OR1L8: variants seen among roughly 807,000 people sequenced by gnomAD.
OR1L8 encodes the protein olfactory receptor 1L8.
For missense variants in OR1L8, 330 were observed against 377.4 expected, an observed-to-expected ratio of 0.87 and a Z score of 1.04; for synonymous variants, 148 against 147.0, an observed-to-expected ratio of 1.01 and a Z score of -0.05.
the OR1L8 span, among the ~76,000 whole-genome samples, chr9:122,555,144 TG>T: frequency 6.6e-6 from 1 of 152,196 alleles, no homozygotes; most frequent in African/African-American, 2.4e-5. Flanking sequence ...AAAAAAATGT[TG>T]CAGTGATAAC....
intron 4 of OR1L8, among the ~76,000 whole-genome samples, chr9:122,570,405 A>G (rs1263208472): frequency 3.3e-5 from 5 of 152,226 alleles, no homozygotes; most frequent in Non-Finnish European, 5.9e-5. Flanking sequence ...AATACACCAG[A>G]ATTTTCACAT....
the OR1L8 span, chr9:122,553,156 A>G: frequency 6.4e-7 from 1 of 1,572,264 alleles, no homozygotes; most frequent in African/African-American, 1.4e-5. Context: ...GATCTAATAA[A>G]TAAATACTGA....
chr9:122,552,749 A>AGTGTGTGTGTGT, the OR1L8 span, among the ~76,000 whole-genome samples: 802 of 129,726 alleles, frequency 6.2e-3, 15 homozygotes, highest in South Asian at 8.8e-3. Flanking sequence ...AGAGGGCTTG[A>AGTGTGTGTGTGT]GTGTGTGTGT....
intron 1 of OR1L8, among the ~76,000 whole-genome samples, chr9:122,581,256 C>T (rs1034335502): frequency 2.6e-5 from 4 of 152,048 alleles, no homozygotes; most frequent in African/African-American, 4.8e-5. Context: ...ATCCCAGCTA[C>T]TTGGGAGGCT....
intron 1 of OR1L8, among the ~76,000 whole-genome samples, chr9:122,578,932 C>A (rs1158646342): frequency 1.3e-5 from 2 of 151,476 alleles, no homozygotes; most frequent in African/African-American, 4.9e-5. Context: ...ACCTGTTCCC[C>A]AAAAACCTAA....
At chr9:122,581,211 C>T (rs1209910637) in intron 1 of OR1L8, among the ~76,000 whole-genome samples, 1 of 137,474 alleles carries the variant, frequency 7.3e-6, no homozygotes, top group African/African-American at 2.6e-5. Context: ...ACTAAAAATA[C>T]AAAAATTAGC....
At chr9:122,569,327 C>T (rs183689674) in intron 4 of OR1L8, among the ~76,000 whole-genome samples, 195 of 152,042 alleles carry the variant, frequency 1.3e-3, no homozygotes, top group African/African-American at 4.4e-3. Flanking sequence ...TTATCTTTTA[C>T]GTGTTAAAAA....
At chr9:122,551,108 CTAA>C in the OR1L8 span, among the ~76,000 whole-genome samples, 1 of 152,120 alleles carries the variant, frequency 6.6e-6, no homozygotes, top group African/African-American at 2.4e-5. Flanking sequence ...TTTCTACACA[CTAA>C]TAACAATCAA....
At chr9:122,569,475 A>G (rs963418979) in intron 4 of OR1L8, among the ~76,000 whole-genome samples, 36 of 152,228 alleles carry the variant, frequency 2.4e-4, no homozygotes, top group African/African-American at 8.0e-4. Flanking sequence ...GTATCAGCAA[A>G]ATGTTGTCAC....
intron 4 of OR1L8, among the ~76,000 whole-genome samples, chr9:122,571,279 C>T (rs544538994): frequency 3.9e-4 from 59 of 152,194 alleles, no homozygotes; most frequent in African/African-American, 7.2e-4. Flanking sequence ...ATGCCGGGCG[C>T]GGTGGCTCAC....
chr9:122,575,996 C>A lies in OR1L8; in HGVS notation c.-342+770G>T, dbSNP rs189247484. Among the ~76,000 whole-genome samples, 488 of 152,090 alleles carry A rather than the reference C, an allele frequency of 3.2e-3. 1 individual carries two copies. Among genetic ancestry groups the A allele is most frequent in the African/African-American group, 0.012 (478 of 41,500 alleles). On this transcript the variant is annotated intron_variant, in intron 3 of 4. Coordinates refer to ENST00000641027, the MANE Select transcript of OR1L8 (RefSeq NM_001004454.2). Reference sequence around the variant, plus strand: ...ATGAGAGTGTGCAATATTTTTATTTCTGTGTCTGGTTTATTTCAGTTACCA... The same window carrying A: ...ATGAGAGTGTGCAATATTTTTATTTATGTGTCTGGTTTATTTCAGTTACCA...
At position 122,567,804 on chromosome 9, in the gene OR1L8, G is replaced by A. The variant is rs1829459496; in HGVS notation, c.674C>T (p.Thr225Ile). 1.2e-6 allele frequency: 2 copies of A among 1,613,958 alleles called. No homozygotes were observed. Among genetic ancestry groups the A allele is most frequent in the African/African-American group, 2.7e-5 (2 of 74,928 alleles). Reference protein sequence around the residue: ...IAFSYIRILTTVLKIPSTSGK... With the variant: ...IAFSYIRILTIVLKIPSTSGK... ...AGAAGTAGAGGGAATCTTGAGAACT[G>A]TAGTGAGGATTCGTATATAAGAGAA... The change falls in exon 5 of 5, where the codon ACA becomes ATA. Residue 225 changes from threonine (T) to isoleucine (I), a missense_variant. Transcript: ENST00000641027.
the OR1L8 span, chr9:122,553,590 G>C: frequency 6.2e-7 from 1 of 1,614,114 alleles, no homozygotes; most frequent in Non-Finnish European, 8.5e-7. Context: ...TGACCGCTAT[G>C]TGGCCATCTG....
the OR1L8 span, among the ~76,000 whole-genome samples, chr9:122,547,927 A>G: frequency 1.3e-5 from 2 of 152,052 alleles, no homozygotes; most frequent in Non-Finnish European, 1.5e-5. Flanking sequence ...TAAGTATTCA[A>G]TTTTCTCTGT....
downstream of OR1L8, among the ~76,000 whole-genome samples, chr9:122,565,598 G>A (rs1829415339): frequency 6.6e-6 from 1 of 152,216 alleles, no homozygotes. Context: ...AGGGTGATTA[G>A]CCAATTACTT....
intron 4 of OR1L8, among the ~76,000 whole-genome samples, chr9:122,570,598 G>A (rs150726425): frequency 2.5e-4 from 38 of 152,284 alleles, no homozygotes; most frequent in Admixed American, 4.6e-4. Flanking sequence ...AGAGGGACAA[G>A]GATATTGTAA....
chr9:122,579,584 C>T (rs950852596), intron 1 of OR1L8, among the ~76,000 whole-genome samples: 1 of 152,066 alleles, frequency 6.6e-6, no homozygotes, highest in Non-Finnish European at 1.5e-5. Context: ...ATACTAAGTA[C>T]TTCAAAAAGA....
At chr9:122,575,700 GTTA>G (rs1204394335) in intron 3 of OR1L8, among the ~76,000 whole-genome samples, 2 of 152,116 alleles carry the variant, frequency 1.3e-5, no homozygotes, top group Non-Finnish European at 2.9e-5. Context: ...GAGTAAAGTG[GTTA>G]TTATTATGAA....
At chr9:122,578,696 G>C (rs1829698344) in intron 1 of OR1L8, among the ~76,000 whole-genome samples, 1 of 147,844 alleles carries the variant, frequency 6.8e-6, no homozygotes, top group African/African-American at 2.5e-5. Flanking sequence ...GTAAAGTAAA[G>C]TAACTCAGGA....
Sources: allele counts gnomAD v4.1 joint callset (sites outside exome capture counted in the v4.1 genomes callset), GRCh38; gene constraint gnomAD v4.1.1; transcripts MANE v1.5; gene names NCBI Gene and HGNC (gene_info 2026-07-23, HGNC 2026-07-21).